The following ARID4B variants were observed in gnomAD, a reference collection of about 807,000 sequenced individuals.
ARID4B encodes the protein AT-rich interactive domain-containing protein 4B.
In ARID4B, 26 loss-of-function variants were observed where a neutral mutation model predicts 147.5. The observed-to-expected ratio is 0.18, with a 90% CI of 0.13 to 0.24. ARID4B has a LOEUF of 0.24. ARID4B is among the 10% of genes least tolerant of loss of function. The pLI, the probability that ARID4B is intolerant of heterozygous loss-of-function variation, is 1.00. For synonymous variants in ARID4B, 512 were observed against 507.9 expected (o/e 1.01, Z -0.11); for missense variants, 1,179 against 1,511.5 (o/e 0.78, Z 3.65).
rs1049373572 is a variant in ARID4B, at chr1:235,182,229, C to G, written c.2690G>C (p.Gly897Ala). The G allele has an allele frequency of 1.2e-6, 2 of 1,613,394 alleles. No individual in the cohort carries two copies. Among genetic ancestry groups the G allele is most frequent in the Non-Finnish European group, 1.7e-6 (2 of 1,179,920 alleles). The change falls in exon 20 of 24, where the codon GGA becomes GCA. Residue 897 changes from glycine (G) to alanine (A), a missense_variant. This residue lies in a region of ARID4B where 321 missense variants were observed against 342.4 expected (regional missense o/e 0.94). Coordinates refer to ENST00000264183, the MANE Select transcript of ARID4B (RefSeq NM_016374.6). The stretch of plus-strand genomic sequence containing the variant: ...CCTTTTTTCTGCCACTTCTGAAAAT[C>G]CTGAATAGAAACCAGTTGTCCGTAG... ...KSLRTTGFYS[G>A]FSEVAEKRIK...
intron 17 of ARID4B, among the ~76,000 whole-genome samples, chr1:235,210,814 T>C (rs1296088798): frequency 2.0e-5 from 3 of 152,238 alleles, no homozygotes; most frequent in Non-Finnish European, 2.9e-5. Context: ...TATTAAAAAC[T>C]TGAATGCCTC....
At chr1:235,177,448 T>G (rs1663966041) in intron 21 of ARID4B, among the ~76,000 whole-genome samples, 1 of 152,184 alleles carries the variant, frequency 6.6e-6, no homozygotes, top group South Asian at 2.1e-4. Flanking sequence ...TTTTTTGTTT[T>G]GTTTTGTTTG....
chr1:235,306,714 G>C (rs1673595307), intron 2 of ARID4B, among the ~76,000 whole-genome samples: 1 of 151,968 alleles, frequency 6.6e-6, no homozygotes, highest in African/African-American at 2.4e-5. Context: ...GGAGTGCAGT[G>C]GTGTGACCTC....
At chr1:235,263,291 A>T (rs991636164) in intron 2 of ARID4B, among the ~76,000 whole-genome samples, 1 of 152,262 alleles carries the variant, frequency 6.6e-6, no homozygotes, top group Non-Finnish European at 1.5e-5. Flanking sequence ...ATAAAAATTT[A>T]GGAATTGATA....
intron 10 of ARID4B, among the ~76,000 whole-genome samples, chr1:235,230,271 G>A (rs753758191): frequency 8.6e-5 from 13 of 151,596 alleles, no homozygotes; most frequent in Non-Finnish European, 1.6e-4. Flanking sequence ...AAAATTAGCC[G>A]GGCATAGTGG....
intron 2 of ARID4B, 152 bp downstream of exon 2, chr1:235,326,762 A>T: frequency 1.1e-6 from 1 of 904,624 alleles, no homozygotes; most frequent in Admixed American, 1.9e-5. Context: ...CCGCCAGCTG[A>T]CCCCGGTCTC....
chr1:235,221,550 A>G lies in ARID4B; in HGVS notation c.1163+15T>C. The stretch of plus-strand genomic sequence containing the variant: ...AAAAATACTGAAGATAATCATATCA[A>G]TTATACTAACTTACTTTTTATAAGC... On this transcript the variant is annotated intron_variant, in intron 14 of 23. Coordinates refer to ENST00000264183, the MANE Select transcript of ARID4B (RefSeq NM_016374.6). 1 of 1,439,162 alleles carries G rather than the reference A, an allele frequency of 6.9e-7. No homozygotes were observed. The highest frequency in any genetic ancestry group is 9.7e-7 in the Non-Finnish European group (1 of 1,032,546). The allele number at this position is 1,439,162 out of a possible 1,614,324, so 89.1% of individuals were successfully genotyped here. A position where few individuals can be genotyped will look rare whatever the true frequency, so the allele number is the denominator to read the frequency against.
chr1:235,286,323 C>T (rs1432745279), intron 2 of ARID4B, among the ~76,000 whole-genome samples: 2 of 152,238 alleles, frequency 1.3e-5, no homozygotes, highest in Admixed American at 6.5e-5. Context: ...CATGAGCCAT[C>T]GCACCCAGGC....
chr1:235,268,767 CG>C (rs1381318602), intron 2 of ARID4B, among the ~76,000 whole-genome samples: 1 of 152,120 alleles, frequency 6.6e-6, no homozygotes, highest in Non-Finnish European at 1.5e-5. Flanking sequence ...CCACCCGCCT[CG>C]GCCCACGTCT....
intron 2 of ARID4B, among the ~76,000 whole-genome samples, chr1:235,263,531 A>G (rs1670414387): frequency 6.6e-6 from 1 of 152,202 alleles, no homozygotes; most frequent in East Asian, 1.9e-4. Context: ...CCCATCCCAC[A>G]TCTTCAACAA....
chr1:235,327,311 C>G lies in ARID4B; in HGVS notation c.-49-343G>C, dbSNP rs960521514. 2.6e-4 allele frequency: 41 copies of G among 155,826 alleles called. 1 individual carries two copies. Among genetic ancestry groups the G allele is most frequent in the Non-Finnish European group, 1.4e-5 (1 of 70,406 alleles). The allele number at this position is 155,826 out of a possible 1,614,324, so 9.7% of individuals were successfully genotyped here. A position where few individuals can be genotyped will look rare whatever the true frequency, so the allele number is the denominator to read the frequency against. On this transcript the variant is annotated intron_variant, in intron 1 of 23. Transcript: ENST00000264183. ...CTCCCCTAGGGCCTCGGCGCCCGGC[C>G]GAGCGAATCCGCGCCCCCACGCGCC...
chr1:235,327,056 G>A (rs1572255629), intron 1 of ARID4B, 88 bp from the exon 2 acceptor site: 4 of 885,054 alleles, frequency 4.5e-6, no homozygotes, highest in East Asian at 2.5e-5. Flanking sequence ...AGCGACGTCC[G>A]AACCCCGAAG....
intron 17 of ARID4B, among the ~76,000 whole-genome samples, chr1:235,197,037 A>G (rs970299959): frequency 2.6e-5 from 4 of 152,090 alleles, no homozygotes; most frequent in African/African-American, 4.8e-5. Context: ...AACAGCTGTG[A>G]TGGCCTCTTG....
At chr1:235,304,571 T>G (rs1166757044) in intron 2 of ARID4B, among the ~76,000 whole-genome samples, 4 of 152,142 alleles carry the variant, frequency 2.6e-5, no homozygotes, top group Non-Finnish European at 5.9e-5. Context: ...TAAAACAAAT[T>G]AAGAGTTAAG....
Position 235,167,525 on chromosome 1 carries a change from T to A in ARID4B, c.*1000A>T, listed in dbSNP as rs1160001517. 4.5e-6 allele frequency: 1 copy of A among 222,080 alleles called. No homozygotes were observed. Among genetic ancestry groups the A allele is most frequent in the Non-Finnish European group, 9.0e-6 (1 of 110,872 alleles). The allele number at this position is 222,080 out of a possible 1,614,324, so 13.8% of individuals were successfully genotyped here. Reference sequence around the variant, plus strand: ...AGGCCTACCACCCCCATTAGCTATTTATATTTAAAATAACCACCATCCTTT... The same window carrying A: ...AGGCCTACCACCCCCATTAGCTATTAATATTTAAAATAACCACCATCCTTT... On this transcript the variant is annotated 3_prime_UTR_variant, in exon 24 of 24. Transcript: ENST00000264183.
intron 23 of ARID4B, among the ~76,000 whole-genome samples, chr1:235,169,240 G>T (rs6681842): frequency 0.45 from 66,772 of 149,570 alleles, 15,161 homozygotes; most frequent in South Asian, 0.59. Flanking sequence ...GTTTTTTTTT[G>T]TTTGTTTGTT....
At chr1:235,285,790 T>A (rs1671932734) in intron 2 of ARID4B, among the ~76,000 whole-genome samples, 1 of 152,182 alleles carries the variant, frequency 6.6e-6, no homozygotes, top group Admixed American at 6.5e-5. Flanking sequence ...TCCTATACAT[T>A]AGCAACAATC....
Position 235,320,833 on chromosome 1 carries a change from A to G in ARID4B, c.6+6081T>C, listed in dbSNP as rs529799357. ...GAATGCTCCTCCCCCAGAAACCTGA[A>G]TGGCTCACTCTATCACTTGTTTCAC... On this transcript the variant is annotated intron_variant, in intron 2 of 23. Coordinates refer to ENST00000264183, the MANE Select transcript of ARID4B (RefSeq NM_016374.6). Among the ~76,000 whole-genome samples, 8 of 152,288 alleles carry G rather than the reference A, an allele frequency of 5.3e-5. No homozygotes were observed. The East Asian group carries it at 1.3e-3, about 26-fold the overall frequency.
intron 17 of ARID4B, among the ~76,000 whole-genome samples, chr1:235,211,935 C>G (rs547161625): frequency 6.6e-6 from 1 of 152,182 alleles, no homozygotes; most frequent in East Asian, 1.9e-4. Context: ...TCATTAATAG[C>G]CAGACCTTCA....
Sources: allele counts gnomAD v4.1 joint callset (sites outside exome capture counted in the v4.1 genomes callset), GRCh38; gene constraint gnomAD v4.1.1; regional missense constraint gnomAD v4.1.1; transcripts MANE v1.5; gene names NCBI Gene and HGNC (gene_info 2026-07-23, HGNC 2026-07-21).